The following STAB2 variants were observed in gnomAD, a reference collection of about 807,000 sequenced individuals.
STAB2 encodes stabilin 2.
Under a neutral mutation model 338.1 loss-of-function variants are expected in STAB2, and 288 were observed. The observed-to-expected ratio is 0.85, with a 90% CI of 0.77 to 0.94. The LOEUF is 0.94. Ranked by LOEUF, STAB2 falls within the 40% of genes least tolerant of loss-of-function variation. The pLI is 0.00. For missense variants in STAB2, 3,141 were observed against 3,210.1 expected, an observed-to-expected ratio of 0.98 and a Z score of 0.52; for synonymous variants, 1,202 against 1,193.3, an observed-to-expected ratio of 1.01 and a Z score of -0.15.
At chr12:103,604,272 G>T (rs535885765) in intron 3 of STAB2, among the ~76,000 whole-genome samples, 2 of 152,150 alleles carry the variant, frequency 1.3e-5, no homozygotes, top group Middle Eastern at 3.4e-3. Flanking sequence ...TGGCTATAAT[G>T]TTGTTTAAAA....
intron 3 of STAB2, among the ~76,000 whole-genome samples, chr12:103,607,389 GT>G (rs869048052): frequency 1.6e-4 from 7 of 44,912 alleles, no homozygotes; most frequent in East Asian, 8.8e-3. Flanking sequence ...TCTTTTTTCT[GT>G]TTTTTTTTAA....
At position 103,655,511 on chromosome 12, in the gene STAB2, T is replaced by C. The variant is rs1448374433; in HGVS notation, c.1664T>C (p.Ile555Thr). The C allele has an allele frequency of 6.2e-7, 1 of 1,613,912 alleles. No individual in the cohort carries two copies. Among genetic ancestry groups the C allele is most frequent in the East Asian group, 2.2e-5 (1 of 44,874 alleles). Reference sequence around the variant, plus strand: ...GATGGAGTTGGTGGACCATACACCATTTTTGTTCCAAATAATGAAGCATTG... The same window carrying C: ...GATGGAGTTGGTGGACCATACACCACTTTTGTTCCAAATAATGAAGCATTG... ...DEDGVGGPYTIFVPNNEALNN... is the reference protein window; with the variant it reads ...DEDGVGGPYTTFVPNNEALNN... Residue 555 changes from isoleucine (I) to threonine (T), a missense_variant, in exon 15 of 69, where the codon ATT becomes ACT. Coordinates refer to ENST00000388887, the MANE Select transcript of STAB2 (RefSeq NM_017564.10).
chr12:103,655,141 A>C (rs1874084603), intron 13 of STAB2, 110 bp from the exon 14 acceptor site: 2 of 1,052,408 alleles, frequency 1.9e-6, no homozygotes, highest in Non-Finnish European at 2.8e-6. Flanking sequence ...CATTTATATA[A>C]ATCCATACTG....
Position 103,660,464 on chromosome 12 carries a change from G to C in STAB2, c.1788+80G>C. ...TAGTCTTGAATTCCAATATTTTGAC[G>C]CTAGAAAATGTCCTTTATCTGTAGC... On this transcript the variant is annotated intron_variant, in intron 16 of 68. Transcript: ENST00000388887. 6 of 1,514,892 alleles carry C rather than the reference G, an allele frequency of 4.0e-6. No homozygotes were observed. The South Asian group carries it at 5.6e-5, about 14-fold the overall frequency. The allele number at this position is 1,514,892 out of a possible 1,614,324, so 93.8% of individuals were successfully genotyped here.
At chr12:103,595,619 C>T (rs1956864089) in intron 3 of STAB2, among the ~76,000 whole-genome samples, 1 of 152,094 alleles carries the variant, frequency 6.6e-6, no homozygotes, top group African/African-American at 2.4e-5. Flanking sequence ...CTCAATATTG[C>T]TGACATTAGG....
In STAB2 at chr12:103,628,647, G is replaced by A. The variant is rs12307028; in HGVS notation, c.488-2951G>A. ...GTTGTGACAGTATCACTCCAATCTC[G>A]GCCTCCCTCTTCACATGCCTCTTCA... is the stretch of plus-strand genomic sequence containing the variant. On this transcript the variant is annotated intron_variant, in intron 5 of 68. Coordinates refer to ENST00000388887, the MANE Select transcript of STAB2 (RefSeq NM_017564.10). Among the ~76,000 whole-genome samples the A allele has an allele frequency of 8.4e-3, 1,281 of 152,118 alleles. 14 individuals carry two copies. Among genetic ancestry groups the A allele is most frequent in the African/African-American group, 0.029 (1,216 of 41,486 alleles).
intron 19 of STAB2, 50 bp downstream of exon 19, chr12:103,666,403 G>T (rs1875107105): frequency 6.3e-7 from 1 of 1,597,716 alleles, no homozygotes; most frequent in Non-Finnish European, 8.6e-7. Context: ...CAGCCCCACT[G>T]GTGTGGTTTC....
intron 58 of STAB2, 79 bp from the exon 59 acceptor site, chr12:103,748,884 G>C: frequency 1.4e-6 from 2 of 1,467,306 alleles, no homozygotes; most frequent in Admixed American, 2.0e-5. Flanking sequence ...CACTAGTGCT[G>C]TGGTGCCCCA....
At chr12:103,750,845 C>CT (rs1883575822) in intron 60 of STAB2, 125 bp downstream of exon 60, 1 of 1,294,376 alleles carries the variant, frequency 7.7e-7, no homozygotes, top group East Asian at 2.6e-5. Flanking sequence ...AATCCCAATA[C>CT]TTTGGGAGGC....
At chr12:103,700,263 T>A (rs764164640) in intron 34 of STAB2, among the ~76,000 whole-genome samples, 2 of 152,252 alleles carry the variant, frequency 1.3e-5, no homozygotes, top group Admixed American at 6.5e-5. Flanking sequence ...AATTTTAATG[T>A]AAATTATCAC....
chr12:103,739,776 C>G (rs189774545), intron 54 of STAB2, among the ~76,000 whole-genome samples: 1 of 152,268 alleles, frequency 6.6e-6, no homozygotes, highest in Non-Finnish European at 1.5e-5. Flanking sequence ...TGGCTGCTCT[C>G]CATGTCCCAG....
At chr12:103,723,166 G>A (rs1880902990) in intron 44 of STAB2, among the ~76,000 whole-genome samples, 1 of 152,212 alleles carries the variant, frequency 6.6e-6, no homozygotes, top group South Asian at 2.1e-4. Flanking sequence ...GTTGAGAAAG[G>A]TGAGGAGTGG....
intron 58 of STAB2, among the ~76,000 whole-genome samples, chr12:103,748,280 C>A (rs1482967548): frequency 2.6e-5 from 4 of 152,296 alleles, no homozygotes; most frequent in Admixed American, 6.5e-5. Context: ...TGTATTTATT[C>A]TTCCAGGGTC....
At chr12:103,715,736 C>A in intron 42 of STAB2, 79 bp from the exon 43 acceptor site, 2 of 1,553,768 alleles carry the variant, frequency 1.3e-6, no homozygotes, top group Non-Finnish European at 1.8e-6. Context: ...AGTTAGCCAT[C>A]TTAGCTCATC....
Position 103,650,530 on chromosome 12 carries a change from A to T in STAB2, c.1209A>T (p.Gly403=). The T allele has an allele frequency of 6.2e-7, 1 of 1,613,178 alleles. No homozygotes were observed. The highest frequency in any genetic ancestry group is 8.5e-7 in the Non-Finnish European group (1 of 1,179,358). The part of the protein sequence containing the change: ...KAYAWPLSKL[G]PFTVLLPTDK... The stretch of plus-strand genomic sequence containing the variant: ...ATGCCTGGCCACTGAGTAAGCTGGG[A>T]CCCTTCACGGTGCTGTTACCTACAG... Residue 403 remains glycine, a synonymous_variant, in exon 11 of 69, where the codon GGA becomes GGT. Transcript: ENST00000388887.
At position 103,728,980 on chromosome 12, in the gene STAB2, C is replaced by T. The variant is rs764941267; in HGVS notation, c.5067C>T (p.Val1689=). 6.2e-7 allele frequency: 1 copy of T among 1,613,886 alleles called. No homozygotes were observed. Among genetic ancestry groups the T allele is most frequent in the Admixed American group, 1.7e-5 (1 of 60,010 alleles). Residue 1689 remains valine, a synonymous_variant, in exon 48 of 69, where the codon GTC becomes GTT. Coordinates refer to ENST00000388887, the MANE Select transcript of STAB2 (RefSeq NM_017564.10). ...CTTCCCTCCAAGGAGAGCCAATAGT[C>T]ATCTCCGTCTCTCAGGTAGATGCCA... ...NATSLQGEPI[V]ISVSQSTVYI...
intron 3 of STAB2, among the ~76,000 whole-genome samples, chr12:103,605,376 A>G (rs948802962): frequency 2.6e-5 from 4 of 151,978 alleles, no homozygotes; most frequent in Non-Finnish European, 4.4e-5. Context: ...GCTCTTGAAA[A>G]ATAGGTGTAT....
At position 103,660,700 on chromosome 12, in the gene STAB2, C is replaced by T. The variant is rs755377978; in HGVS notation, c.1806C>T (p.Leu602=). 3.7e-6 allele frequency: 6 copies of T among 1,614,142 alleles called. No individual in the cohort carries two copies. The highest frequency in any genetic ancestry group is 3.3e-5 in the South Asian group (3 of 91,076). ...VPFTQLEVAT[L]ISTPHIRSMA... Reference sequence around the variant, plus strand: ...TATTGCAGCTTGAAGTGGCCACTCTCATCTCCACCCCTCACATCAGGAGCA... The same window carrying T: ...TATTGCAGCTTGAAGTGGCCACTCTTATCTCCACCCCTCACATCAGGAGCA... The change falls in exon 17 of 69, where the codon CTC becomes CTT. Residue 602 remains leucine, a synonymous_variant. Coordinates refer to ENST00000388887, the MANE Select transcript of STAB2 (RefSeq NM_017564.10).
intron 3 of STAB2, among the ~76,000 whole-genome samples, chr12:103,612,245 A>G (rs146901275): frequency 0.025 from 3,782 of 152,178 alleles, 67 homozygotes; most frequent in Middle Eastern, 0.048. Flanking sequence ...TTGCTAGATT[A>G]GGGAAGTTCT....
Sources: allele counts gnomAD v4.1 joint callset (sites outside exome capture counted in the v4.1 genomes callset), GRCh38; gene constraint gnomAD v4.1.1; transcripts MANE v1.5; gene names NCBI Gene and HGNC (gene_info 2026-07-23, HGNC 2026-07-21).